NLGN1: variants seen among roughly 807,000 people sequenced by gnomAD.
NLGN1 encodes the protein neuroligin 1.
A neutral mutation model predicts 65.5 loss-of-function variants in NLGN1; 12 were observed. That is an observed-to-expected ratio of 0.18 (90% CI 0.12 to 0.30). The LOEUF (loss-of-function observed/expected upper bound fraction) is 0.30. NLGN1 is among the 10% of genes least tolerant of loss of function. The pLI is 1.00. For missense variants in NLGN1, 750 were observed against 1,007.1 expected (o/e 0.74, Z 3.46); for synonymous variants, 350 against 359.5 (o/e 0.97, Z 0.30).
chr3:173,918,593 A>G (rs1741219379), intron 4 of NLGN1, among the ~76,000 whole-genome samples: 1 of 146,726 alleles, frequency 6.8e-6, no homozygotes. Context: ...AAACCACACC[A>G]TTGCACTCCA....
At chr3:173,573,906 AC>A (rs1559987553) in intron 2 of NLGN1, among the ~76,000 whole-genome samples, 1 of 151,628 alleles carries the variant, frequency 6.6e-6, no homozygotes, top group African/African-American at 2.4e-5. Context: ...TACTAAAAAT[AC>A]AAAAAATTAG....
intron 4 of NLGN1, among the ~76,000 whole-genome samples, chr3:173,962,830 A>G (rs1713916780): frequency 6.6e-6 from 1 of 152,180 alleles, no homozygotes; most frequent in Non-Finnish European, 1.5e-5. Context: ...AATATACCTT[A>G]TCTGTCTGCA....
chr3:173,493,651 C>T (rs1042216998), intron 2 of NLGN1, among the ~76,000 whole-genome samples: 1 of 151,786 alleles, frequency 6.6e-6, no homozygotes, highest in Non-Finnish European at 1.5e-5. Context: ...TTATATATTA[C>T]AGATGAGAAA....
chr3:173,931,833 A>G (rs1245661836), intron 4 of NLGN1, among the ~76,000 whole-genome samples: 1 of 152,162 alleles, frequency 6.6e-6, no homozygotes, highest in Non-Finnish European at 1.5e-5. Flanking sequence ...CAAGTGAGAG[A>G]AAATGGTGAA....
intron 4 of NLGN1, among the ~76,000 whole-genome samples, chr3:174,257,198 G>A (rs552453917): frequency 2.4e-4 from 37 of 151,944 alleles, no homozygotes; most frequent in East Asian, 1.9e-3. Context: ...AATCAAAATC[G>A]CAATGAGATA....
intron 4 of NLGN1, among the ~76,000 whole-genome samples, chr3:174,119,905 G>T (rs952154641): frequency 6.6e-6 from 1 of 152,130 alleles, no homozygotes; most frequent in Non-Finnish European, 1.5e-5. Flanking sequence ...CTGTAGTAAA[G>T]ATATTTATTT....
intron 4 of NLGN1, among the ~76,000 whole-genome samples, chr3:174,068,315 C>G (rs1329309857): frequency 6.6e-6 from 1 of 152,118 alleles, no homozygotes; most frequent in Admixed American, 6.6e-5. Flanking sequence ...TCCCTTCCAG[C>G]CTGCAACCGT....
chr3:173,498,403 A>G (rs1309646329), intron 2 of NLGN1, among the ~76,000 whole-genome samples: 4 of 151,934 alleles, frequency 2.6e-5, no homozygotes, highest in Non-Finnish European at 4.4e-5. Flanking sequence ...TTATGGCTGC[A>G]TAGTATTCCA....
At chr3:173,997,971 G>T (rs1030941445) in intron 4 of NLGN1, among the ~76,000 whole-genome samples, 2 of 152,010 alleles carry the variant, frequency 1.3e-5, no homozygotes, top group African/African-American at 4.8e-5. Context: ...CTTGCCCATT[G>T]TCAGTACACT....
chr3:173,782,733 T>C (rs1412734402), intron 3 of NLGN1, among the ~76,000 whole-genome samples: 1 of 151,528 alleles, frequency 6.6e-6, no homozygotes, highest in Non-Finnish European at 1.5e-5. Context: ...CCACCCATGA[T>C]TTTAAAATGG....
At chr3:173,517,764 A>ATCTATCTG (rs1560372051) in intron 2 of NLGN1, among the ~76,000 whole-genome samples, 2 of 149,018 alleles carry the variant, frequency 1.3e-5, no homozygotes. Flanking sequence ...CTATCTATCT[A>ATCTATCTG]TCTATCTATC....
chr3:174,143,637 G>A (rs1275754893), intron 4 of NLGN1, among the ~76,000 whole-genome samples: 1 of 152,020 alleles, frequency 6.6e-6, no homozygotes, highest in African/African-American at 2.4e-5. Flanking sequence ...TTTGGTGGGG[G>A]GGTATACAGC....
intron 2 of NLGN1, among the ~76,000 whole-genome samples, chr3:173,573,652 A>G (rs1745005028): frequency 6.6e-6 from 1 of 151,410 alleles, no homozygotes; most frequent in Non-Finnish European, 1.5e-5. Context: ...TATTATTTTT[A>G]TGCTATTATT....
Position 173,781,144 on chromosome 3 carries a change from C to CACAAAAAAAAAA in NLGN1, c.494-26535_494-26534insCAAAAAAAAAAA, listed in dbSNP as rs774460899. Among the ~76,000 whole-genome samples, 46 of 80,396 alleles carry CACAAAAAAAAAA rather than the reference C, an allele frequency of 5.7e-4. 1 individual carries two copies. Among genetic ancestry groups the CACAAAAAAAAAA allele is most frequent in the African/African-American group, 2.5e-3 (46 of 18,056 alleles). 52.7% of individuals were successfully genotyped at this position (80,396 alleles called of 152,430 possible). On this transcript the variant is annotated intron_variant, in intron 3 of 6. Coordinates refer to ENST00000457714, the Ensembl canonical transcript of NLGN1. ...TGGGCTACAGAGCGAGACTCCGTCT[C>CACAAAAAAAAAA]AAAAAAAAAAAAGTAAATATTGAAG... is the stretch of plus-strand genomic sequence containing the variant.
intron 4 of NLGN1, among the ~76,000 whole-genome samples, chr3:174,203,435 C>T (rs182238925): frequency 8.5e-5 from 13 of 152,220 alleles, no homozygotes; most frequent in Non-Finnish European, 8.8e-5. Context: ...TTGGGCAGTT[C>T]GATGTGGATG....
At chr3:173,616,485 A>AT (rs369736493) in intron 3 of NLGN1, among the ~76,000 whole-genome samples, 59 of 152,202 alleles carry the variant, frequency 3.9e-4, no homozygotes, top group African/African-American at 1.4e-3. Context: ...TGATGGTAAT[A>AT]TTTTTTCAGT....
chr3:173,431,436 G>A (rs1717145771), intron 1 of NLGN1, among the ~76,000 whole-genome samples: 1 of 151,784 alleles, frequency 6.6e-6, no homozygotes, highest in Admixed American at 6.6e-5. Flanking sequence ...AATCTTTCTT[G>A]TACATATATA....
intron 4 of NLGN1, among the ~76,000 whole-genome samples, chr3:174,170,456 A>T (rs1346759086): frequency 6.6e-6 from 1 of 152,210 alleles, no homozygotes. Context: ...GTGATGGATT[A>T]TTGCATTACA....
intron 1 of NLGN1, among the ~76,000 whole-genome samples, chr3:173,403,729 G>A (rs1030164206): frequency 6.6e-6 from 1 of 151,968 alleles, no homozygotes; most frequent in Non-Finnish European, 1.5e-5. Context: ...TTATTATTTG[G>A]ATTCATTTTT....
Sources: allele counts gnomAD v4.1 joint callset (sites outside exome capture counted in the v4.1 genomes callset), GRCh38; gene constraint gnomAD v4.1.1; transcripts MANE v1.5; gene names NCBI Gene and HGNC (gene_info 2026-07-23, HGNC 2026-07-21).